CCT7: variants seen among roughly 807,000 people sequenced by gnomAD.
The protein encoded by CCT7 is chaperonin containing TCP1 subunit 7.
In CCT7, 16 loss-of-function variants were observed where a neutral mutation model predicts 56.6. The ratio of observed to expected loss-of-function variants is 0.28; its 90% CI spans 0.19 to 0.43. The LOEUF (loss-of-function observed/expected upper bound fraction) is 0.43. Among genes scored for constraint, CCT7 ranks in the 20% least tolerant of loss-of-function variants. The pLI is 1.00. For missense variants in CCT7, 519 were observed against 685.6 expected (o/e 0.76, Z 2.71); for synonymous variants, 262 against 254.8 (o/e 1.03, Z -0.27).
At chr2:73,248,049 G>A (rs1687420154) in intron 7 of CCT7, 123 bp downstream of exon 7, 1 of 815,666 alleles carries the variant, frequency 1.2e-6, no homozygotes, top group Non-Finnish European at 1.9e-6. Flanking sequence ...TGATGTCTAA[G>A]TACTAGGCCC....
At chr2:73,236,662 T>TA (rs1358756820) in intron 1 of CCT7, among the ~76,000 whole-genome samples, 3 of 151,848 alleles carry the variant, frequency 2.0e-5, no homozygotes, top group Non-Finnish European at 2.9e-5. Flanking sequence ...ATTAGAGGAA[T>TA]AAAAAAAAGG....
intron 5 of CCT7, 24 bp downstream of exon 5, chr2:73,244,073 T>G: frequency 6.2e-7 from 1 of 1,605,280 alleles, no homozygotes; most frequent in Non-Finnish European, 8.5e-7. Flanking sequence ...GGGTTTTTTT[T>G]TTTTTTTTTA....
At chr2:73,244,148 C>T in intron 5 of CCT7, 99 bp downstream of exon 5, 4 of 1,146,024 alleles carry the variant, frequency 3.5e-6, no homozygotes, top group Middle Eastern at 2.0e-4. Flanking sequence ...TGATCTCCCA[C>T]CTGCGACTCC....
chr2:73,249,986 G>T (rs556146723), intron 9 of CCT7, 70 bp downstream of exon 9: 10 of 1,064,104 alleles, frequency 9.4e-6, no homozygotes, highest in Non-Finnish European at 1.2e-5. Flanking sequence ...TTTGGCTGTG[G>T]TATACAGCTT....
In CCT7 at chr2:73,249,970, C is replaced by T. The variant is rs1687501491; in HGVS notation, c.1070+54C>T. ...AAACCTGCCTGGGTCTGGTCTTCTG[C>T]CATCTTTTGGCTGTGGTATACAGCT... On this transcript the variant is annotated intron_variant, in intron 9 of 11. Coordinates refer to ENST00000258091, the MANE Select transcript of CCT7 (RefSeq NM_006429.4). 2.4e-6 allele frequency: 3 copies of T among 1,230,898 alleles called. No individual in the cohort carries two copies. In the South Asian group the frequency reaches 3.6e-5, roughly 15 times the overall value. The allele number at this position is 1,230,898 out of a possible 1,614,324, so 76.2% of individuals were successfully genotyped here. A position where few individuals can be genotyped will look rare whatever the true frequency, so the allele number is the denominator to read the frequency against.
intron 11 of CCT7, among the ~76,000 whole-genome samples, chr2:73,252,432 A>G (rs1479969137): frequency 6.6e-6 from 1 of 150,898 alleles, no homozygotes; most frequent in African/African-American, 2.4e-5. Context: ...CTTGTGTGGT[A>G]TGTCCAGGGC....
Position 73,239,625 on chromosome 2 carries a change from AAT to A in CCT7, c.7-17_7-16del. 6.2e-7 allele frequency: 1 copy of A among 1,611,136 alleles called. No homozygotes were observed. The highest frequency in any genetic ancestry group is 1.3e-5 in the African/African-American group (1 of 74,936). The stretch of plus-strand genomic sequence containing the variant: ...TAATAGATGATTATTAAAAGCAGTT[AAT>A]TTCTTTCTTTTCTAGCCCACACCAG... On this transcript the variant is annotated splice_polypyrimidine_tract_variant and intron_variant, in intron 1 of 11. Transcript: ENST00000258091.
At chr2:73,239,398 ATTAGG>A (rs892832339) in intron 1 of CCT7, 7 of 439,206 alleles carry the variant, frequency 1.6e-5, no homozygotes, top group Non-Finnish European at 2.9e-5. Context: ...TTTCTTTTAG[ATTAGG>A]TCAGTGCTTC....
At chr2:73,250,629 C>A (rs1408156723) in intron 10 of CCT7, among the ~76,000 whole-genome samples, 191 bp downstream of exon 10, 1 of 151,992 alleles carries the variant, frequency 6.6e-6, no homozygotes. Context: ...GGTCATCCTG[C>A]CTTGAAAGCT....
In CCT7 at chr2:73,244,607, G is replaced by C; in HGVS notation, c.510G>C (p.Gln170His). Residue 170 changes from glutamine (Q) to histidine (H), a missense_variant, in exon 6 of 12, where the codon CAG (glutamine) becomes CAC (histidine). Coordinates refer to ENST00000258091, the MANE Select transcript of CCT7 (RefSeq NM_006429.4). The part of the protein sequence containing the change: ...MTALSSKLIS[Q>H]QKAFFAKMVV... The stretch of plus-strand genomic sequence containing the variant: ...CTCTGAGCTCCAAGCTGATCTCCCA[G>C]CAGAAAGCTTTCTTTGCTAAGATGG... 6.2e-7 allele frequency: 1 copy of C among 1,613,898 alleles called. No homozygotes were observed. The highest frequency in any genetic ancestry group is 8.5e-7 in the Non-Finnish European group (1 of 1,179,824).
Position 73,243,043 on chromosome 2 carries a change from G to T in CCT7, c.307G>T (p.Glu103Ter). Residue 103 changes from glutamate to a stop codon, truncating the protein, a stop_gained, in exon 4 of 12, where the codon GAG (glutamate) becomes TAG (stop). Coordinates refer to ENST00000258091, the MANE Select transcript of CCT7 (RefSeq NM_006429.4). LOFTEE classifies it high-confidence loss of function. ...CACCTCAGTGACCTTGCTGGCTGCAGAGTTTCTGAAGCAGGTGAAACCCTA... is the reference window on the plus strand; with the variant it reads ...CACCTCAGTGACCTTGCTGGCTGCATAGTTTCTGAAGCAGGTGAAACCCTA... ...GTTSVTLLAAEFLKQVKPYVE... is the reference protein window; with the variant it reads ...GTTSVTLLAA 6.2e-7 allele frequency: 1 copy of T among 1,614,038 alleles called. No homozygotes were observed. Among genetic ancestry groups the T allele is most frequent in the South Asian group, 1.1e-5 (1 of 91,090 alleles).
At chr2:73,235,102 T>G (rs1426996617) in intron 1 of CCT7, among the ~76,000 whole-genome samples, 1 of 152,152 alleles carries the variant, frequency 6.6e-6, no homozygotes, top group Non-Finnish European at 1.5e-5. Context: ...TAAGAAAGGC[T>G]TTTCTAGTTG....
At chr2:73,242,079 C>T (rs1222175502) in intron 3 of CCT7, among the ~76,000 whole-genome samples, 1 of 151,288 alleles carries the variant, frequency 6.6e-6, no homozygotes, top group Non-Finnish European at 1.5e-5. Flanking sequence ...TTTGGCTGGT[C>T]CTAGGACGTT....
At chr2:73,239,465 T>A (rs1687011190) in intron 1 of CCT7, 178 bp from the exon 2 acceptor site, 1 of 600,602 alleles carries the variant, frequency 1.7e-6, no homozygotes, top group Admixed American at 3.1e-5. Context: ...AATTTGATAG[T>A]GTCTCTGGAG....
intron 4 of CCT7, 77 bp downstream of exon 4, chr2:73,243,206 G>A (rs1687190877): frequency 6.6e-7 from 1 of 1,524,360 alleles, no homozygotes; most frequent in Non-Finnish European, 9.0e-7. Context: ...TTTCTTTTCA[G>A]GAGTGTGGAG....
chr2:73,252,077 C>G (rs1262411533), intron 11 of CCT7, among the ~76,000 whole-genome samples: 2 of 152,000 alleles, frequency 1.3e-5, no homozygotes, highest in Non-Finnish European at 2.9e-5. Flanking sequence ...CAAGTGTGAC[C>G]CTGGGCTAGT....
chr2:73,234,350 A>G lies in CCT7; in HGVS notation c.-29A>G. ...GGCCCGGTCTCGGAGAAGAGGGGAG[A>G]GTGGCGGGCCGCTGAATAAGCTTCC... On this transcript the variant is annotated 5_prime_UTR_variant, in exon 1 of 12. Coordinates refer to ENST00000258091, the MANE Select transcript of CCT7 (RefSeq NM_006429.4). The G allele has an allele frequency of 6.2e-7, 1 of 1,613,256 alleles. No homozygotes were observed. The highest frequency in any genetic ancestry group is 8.5e-7 in the Non-Finnish European group (1 of 1,179,810).
chr2:73,247,936 T>A lies in CCT7; in HGVS notation c.783+10T>A. ...AGTCCACACAGTTGAGGTAGGTGGG[T>A]TCACCAGTTGGTGGGGGCATGGAAA... On this transcript the variant is annotated intron_variant, in intron 7 of 11. Coordinates refer to ENST00000258091, the MANE Select transcript of CCT7 (RefSeq NM_006429.4). 1 of 1,610,158 alleles carries A rather than the reference T, an allele frequency of 6.2e-7. No homozygotes were observed. Among genetic ancestry groups the A allele is most frequent in the Non-Finnish European group, 8.5e-7 (1 of 1,176,636 alleles).
intron 6 of CCT7, 91 bp from the exon 7 acceptor site, chr2:73,247,671 A>G (rs746453425): frequency 9.4e-7 from 1 of 1,060,876 alleles, no homozygotes; most frequent in Non-Finnish European, 1.4e-6. Context: ...TCAGGCTCAC[A>G]GGAATGGATA....
Sources: allele counts gnomAD v4.1 joint callset (sites outside exome capture counted in the v4.1 genomes callset), GRCh38; gene constraint gnomAD v4.1.1; transcripts MANE v1.5; gene names NCBI Gene and HGNC (gene_info 2026-07-23, HGNC 2026-07-21).